Variants in PITPNA observed in about 807,000 individuals in gnomAD.
PITPNA encodes phosphatidylinositol transfer protein alpha isoform.
In PITPNA, 13 loss-of-function variants were observed where a neutral mutation model predicts 50.3. The observed-to-expected ratio is 0.26, with a 90% CI of 0.17 to 0.41. The LOEUF is 0.41. PITPNA is among the 10% of genes least tolerant of loss of function. The probability of loss-of-function intolerance (pLI) is 1.00; values close to 1 mark genes in which losing one functional copy is unlikely to be tolerated. For missense variants in PITPNA, 207 were observed against 333.4 expected, an observed-to-expected ratio of 0.62 and a Z score of 2.95; for synonymous variants, 120 against 119.6, an observed-to-expected ratio of 1.00 and a Z score of -0.02.
At chr17:1,529,832 G>A (rs1485473303) in intron 10 of PITPNA, among the ~76,000 whole-genome samples, 2 of 151,346 alleles carry the variant, frequency 1.3e-5, no homozygotes, top group African/African-American at 2.4e-5. Context: ...TCCAGCCTGG[G>A]TGACAGAGCG....
Position 1,562,513 on chromosome 17 carries a change from C to G in PITPNA, c.20+28G>C, listed in dbSNP as rs776791918. On this transcript the variant is annotated intron_variant, in intron 1 of 11. Coordinates refer to ENST00000313486, the MANE Select transcript of PITPNA (RefSeq NM_006224.4). The surrounding 1 kb of genome is among the most constrained non-coding windows in gnomAD (Gnocchi z 6.4). ...GGCCGTCCCCACCCTCCCTCCTCCC[C>G]GCTTCCGCACGGCCGCCGGACACTC... 5 of 1,429,654 alleles carry G rather than the reference C, an allele frequency of 3.5e-6. No homozygotes were observed. The highest frequency in any genetic ancestry group is 4.6e-6 in the Non-Finnish European group (5 of 1,085,662). 88.6% of individuals were successfully genotyped at this position (1,429,654 alleles called of 1,614,324 possible). A position where few individuals can be genotyped will look rare whatever the true frequency, so the allele number is the denominator to read the frequency against.
intron 10 of PITPNA, among the ~76,000 whole-genome samples, chr17:1,528,932 GTT>G (rs956604234): frequency 4.0e-5 from 6 of 151,762 alleles, no homozygotes; most frequent in Admixed American, 3.3e-4. Flanking sequence ...GAGGTCAGGA[GTT>G]CAAGACCATC....
chr17:1,536,697 G>A (rs565618260), intron 7 of PITPNA, among the ~76,000 whole-genome samples: 1 of 151,618 alleles, frequency 6.6e-6, no homozygotes, highest in South Asian at 2.1e-4. Context: ...GGGTTCAAGC[G>A]ATTCTCCTGC....
Position 1,518,785 on chromosome 17 carries a change from T to C in PITPNA, c.*1776A>G, listed in dbSNP as rs1210489450. 2 of 152,240 alleles carry C rather than the reference T, an allele frequency of 1.3e-5. No individual in the cohort carries two copies. Among genetic ancestry groups the C allele is most frequent in the South Asian group, 2.1e-4 (1 of 4,832 alleles). 9.4% of individuals were successfully genotyped at this position (152,240 alleles called of 1,614,324 possible). On this transcript the variant is annotated 3_prime_UTR_variant, in exon 12 of 12. Coordinates refer to ENST00000313486, the MANE Select transcript of PITPNA (RefSeq NM_006224.4). ...GAAGGAACATCTTTAAGCACAAATA[T>C]AATGAATAGCTAACACAGAGCTTAT...
At chr17:1,559,774 A>C in intron 1 of PITPNA, 6 of 985,416 alleles carry the variant, frequency 6.1e-6, no homozygotes, top group Non-Finnish European at 7.2e-6. Context: ...CAAGACACCA[A>C]GCAGGAAAGT....
intron 2 of PITPNA, among the ~76,000 whole-genome samples, chr17:1,555,008 G>C (rs761603075): frequency 2.8e-4 from 42 of 152,198 alleles, no homozygotes; most frequent in Non-Finnish European, 5.4e-4. Flanking sequence ...AGGTGGGTCA[G>C]GGCTTGGCTG....
At chr17:1,561,772 C>T (rs1157428585) in intron 1 of PITPNA, among the ~76,000 whole-genome samples, 3 of 152,176 alleles carry the variant, frequency 2.0e-5, no homozygotes. Context: ...CAGCCAGGCC[C>T]TGACTTCCTA....
chr17:1,531,649 C>T (rs1275676581), intron 10 of PITPNA, among the ~76,000 whole-genome samples: 1 of 150,852 alleles, frequency 6.6e-6, no homozygotes, highest in Admixed American at 6.6e-5. Flanking sequence ...GGTGACAGAA[C>T]ACAACCTCAC....
intron 10 of PITPNA, among the ~76,000 whole-genome samples, chr17:1,532,238 C>T (rs1371788421): frequency 6.6e-6 from 1 of 152,138 alleles, no homozygotes; most frequent in Non-Finnish European, 1.5e-5. Context: ...CAGGTGTCCG[C>T]CACCACGCCT....
At chr17:1,527,852 A>C (rs779294184) in intron 10 of PITPNA, among the ~76,000 whole-genome samples, 2 of 152,220 alleles carry the variant, frequency 1.3e-5, no homozygotes, top group Non-Finnish European at 2.9e-5. Context: ...ACTGCAAGTG[A>C]ATCTTTCAAT....
chr17:1,543,913 C>A (rs1394191297), intron 4 of PITPNA, among the ~76,000 whole-genome samples: 3 of 152,208 alleles, frequency 2.0e-5, no homozygotes, highest in East Asian at 1.9e-4. Flanking sequence ...AAGAAAACCA[C>A]GTTAGAATAA....
chr17:1,524,341 GC>G (rs955898860), intron 10 of PITPNA, among the ~76,000 whole-genome samples: 1 of 139,302 alleles, frequency 7.2e-6, no homozygotes, highest in African/African-American at 2.8e-5. Flanking sequence ...ATCGCACCTG[GC>G]CTTTTTTTTT....
intron 7 of PITPNA, among the ~76,000 whole-genome samples, chr17:1,536,488 A>G (rs901100801): frequency 6.6e-6 from 1 of 151,926 alleles, no homozygotes; most frequent in Non-Finnish European, 1.5e-5. Context: ...ACGGGGTTTC[A>G]CCGTGTTAGC....
chr17:1,521,455 G>A, intron 11 of PITPNA, 124 bp downstream of exon 11: 2 of 706,268 alleles, frequency 2.8e-6, no homozygotes, highest in Non-Finnish European at 5.2e-6. Flanking sequence ...ATCGAGCGTG[G>A]CAACCATCAT....
chr17:1,537,855 C>A (rs555008138), intron 7 of PITPNA, among the ~76,000 whole-genome samples: 1 of 151,962 alleles, frequency 6.6e-6, no homozygotes, highest in Non-Finnish European at 1.5e-5. Flanking sequence ...GGCTGGAGTG[C>A]GATGGTGTGA....
intron 1 of PITPNA, among the ~76,000 whole-genome samples, chr17:1,560,294 C>G (rs1567589575): frequency 6.6e-6 from 1 of 152,222 alleles, no homozygotes; most frequent in Non-Finnish European, 1.5e-5. Flanking sequence ...AGAGGAACTG[C>G]CGGGCTGGGC....
At chr17:1,552,695 A>C (rs1341268295) in intron 3 of PITPNA, among the ~76,000 whole-genome samples, 1 of 152,218 alleles carries the variant, frequency 6.6e-6, no homozygotes, top group Non-Finnish European at 1.5e-5. Flanking sequence ...ATATGCGTCA[A>C]GACAGGAGGG....
chr17:1,556,223 G>A (rs1466189062), intron 2 of PITPNA, among the ~76,000 whole-genome samples: 1 of 152,134 alleles, frequency 6.6e-6, no homozygotes, highest in East Asian at 1.9e-4. Context: ...CCCTACCCAG[G>A]CCACGTGGTA....
At chr17:1,537,832 G>T (rs1363237487) in intron 7 of PITPNA, among the ~76,000 whole-genome samples, 1 of 151,886 alleles carries the variant, frequency 6.6e-6, no homozygotes, top group Non-Finnish European at 1.5e-5. Context: ...ATGGAGTCTC[G>T]CTGTGTCGCC....
Sources: allele counts gnomAD v4.1 joint callset (sites outside exome capture counted in the v4.1 genomes callset), GRCh38; gene constraint gnomAD v4.1.1; non-coding constraint Gnocchi (gnomAD v3.1); transcripts MANE v1.5; gene names NCBI Gene and HGNC (gene_info 2026-07-23, HGNC 2026-07-21).